The following PRKG1 variants were observed in gnomAD, a reference collection of about 807,000 sequenced individuals.
PRKG1 encodes cGMP-dependent protein kinase 1.
PRKG1 carries 35 observed loss-of-function variants against 88.1 expected under a neutral mutation model. The ratio of observed to expected loss-of-function variants is 0.40; its 90% CI spans 0.30 to 0.53. PRKG1 has a LOEUF of 0.53. Among genes scored for constraint, PRKG1 ranks in the 20% least tolerant of loss-of-function variants. The pLI is 0.59. For synonymous variants in PRKG1, 303 were observed against 292.5 expected, an observed-to-expected ratio of 1.04 and a Z score of -0.37; for missense variants, 540 against 839.8, an observed-to-expected ratio of 0.64 and a Z score of 4.41.
At chr10:51,125,510 C>T (rs1243438310) in intron 1 of PRKG1, among the ~76,000 whole-genome samples, 3 of 150,012 alleles carry the variant, frequency 2.0e-5, no homozygotes, top group Admixed American at 2.0e-4. Context: ...TAGTGAAACC[C>T]TGTCTCTACA....
At chr10:51,907,884 T>C (rs1589410607) in intron 5 of PRKG1, 1 of 223,610 alleles carries the variant, frequency 4.5e-6, no homozygotes, top group East Asian at 9.8e-5. Context: ...AGTAAAATTG[T>C]AGTTATCACC....
At chr10:51,800,551 C>G (rs1456931186) in intron 3 of PRKG1, among the ~76,000 whole-genome samples, 1 of 152,070 alleles carries the variant, frequency 6.6e-6, no homozygotes, top group East Asian at 1.9e-4. Context: ...TACTGCAGTA[C>G]AGTTTCTAGT....
chr10:51,864,964 A>G (rs1350977220), intron 4 of PRKG1, among the ~76,000 whole-genome samples: 1 of 152,114 alleles, frequency 6.6e-6, no homozygotes, highest in Non-Finnish European at 1.5e-5. Flanking sequence ...TGTGCTCTTG[A>G]TAATTGTCTT....
chr10:51,779,772 T>A (rs2132560330), intron 3 of PRKG1, among the ~76,000 whole-genome samples: 1 of 152,264 alleles, frequency 6.6e-6, no homozygotes, highest in East Asian at 1.9e-4. Flanking sequence ...TTCTGAATGT[T>A]TTTAAGGAGC....
Position 50,991,914 on chromosome 10 carries a change from G to C in PRKG1, c.266+270G>C, listed in dbSNP as rs562145797. Among the ~76,000 whole-genome samples the C allele has an allele frequency of 3.3e-5, 5 of 152,114 alleles. No individual in the cohort carries two copies. In the South Asian group the frequency reaches 1.0e-3, roughly 32 times the overall value. On this transcript the variant is annotated intron_variant, in intron 1 of 17. Transcript: ENST00000401604. The surrounding 1 kb of genome is among the most constrained non-coding windows in gnomAD (Gnocchi z 4.5). ...GCGTGGGGGTGGGGAGGAGGACCGC[G>C]GAAAGTTTACTCGCGCGGGCTAACT...
rs188095177 is a variant in PRKG1 at position 52,210,034 on chromosome 10, G to A, written c.1077-41536G>A. The stretch of plus-strand genomic sequence containing the variant: ...TCCATTTCCTCTTCTGTAAATGGAA[G>A]GAGCAATTATCCATGCTTCTGATTT... On this transcript the variant is annotated intron_variant, in intron 9 of 17. Coordinates refer to ENST00000373980, the MANE Select transcript of PRKG1 (RefSeq NM_006258.4). Among the ~76,000 whole-genome samples the A allele has an allele frequency of 2.3e-3, 346 of 152,222 alleles. 1 individual carries two copies. Among genetic ancestry groups the A allele is most frequent in the African/African-American group, 7.3e-3 (303 of 41,550 alleles).
chr10:51,179,585 T>G (rs995467781), intron 2 of PRKG1, among the ~76,000 whole-genome samples: 2 of 152,238 alleles, frequency 1.3e-5, no homozygotes, highest in African/African-American at 4.8e-5. Context: ...TTGATTTTAT[T>G]CAGCACGCTA....
chr10:51,497,398 C>G (rs890628283), intron 3 of PRKG1, among the ~76,000 whole-genome samples: 2 of 151,876 alleles, frequency 1.3e-5, no homozygotes, highest in Admixed American at 6.6e-5. Flanking sequence ...AAGGTCACAA[C>G]AGTGGAAAAA....
rs11419106 is a variant in PRKG1 at position 51,083,514 on chromosome 10, GT to G, written c.311+8627del. Among the ~76,000 whole-genome samples, 8 of 146,092 alleles carry G rather than the reference GT, an allele frequency of 5.5e-5. No homozygotes were observed. The East Asian group carries it at 6.0e-4, about 11-fold the overall frequency. On this transcript the variant is annotated intron_variant, in intron 1 of 17. Coordinates refer to ENST00000373980, the MANE Select transcript of PRKG1 (RefSeq NM_006258.4). ...TGTGATGTCTCTGCAGCCAGCTACA[GT>G]TTTTTTTTTTTTTCCTACAGATATT...
chr10:51,045,301 A>G (rs1374899632), intron 1 of PRKG1, among the ~76,000 whole-genome samples: 1 of 150,388 alleles, frequency 6.6e-6, no homozygotes, highest in Non-Finnish European at 1.5e-5. Flanking sequence ...ACTACCATAG[A>G]AAAAAATATT....
intron 2 of PRKG1, among the ~76,000 whole-genome samples, chr10:51,281,876 T>A (rs1840307883): frequency 6.6e-6 from 1 of 152,188 alleles, no homozygotes; most frequent in African/African-American, 2.4e-5. Flanking sequence ...TCTCTGCTCA[T>A]TAGAGTCACC....
At chr10:51,643,107 G>C (rs1589155307) in intron 3 of PRKG1, among the ~76,000 whole-genome samples, 1 of 144,784 alleles carries the variant, frequency 6.9e-6, no homozygotes, top group Non-Finnish European at 1.6e-5. Context: ...GTTACTATTT[G>C]TTCATGCTTG....
chr10:51,492,579 T>G (rs1840734307), intron 3 of PRKG1, among the ~76,000 whole-genome samples: 1 of 152,192 alleles, frequency 6.6e-6, no homozygotes, highest in Non-Finnish European at 1.5e-5. Context: ...TTTGTAATAC[T>G]AATTTAATTC....
intron 5 of PRKG1, among the ~76,000 whole-genome samples, chr10:51,997,929 G>T (rs1008104487): frequency 1.3e-5 from 2 of 151,272 alleles, no homozygotes; most frequent in African/African-American, 4.9e-5. Context: ...CCAATAAAAC[G>T]TTGAATAGAG....
intron 4 of PRKG1, among the ~76,000 whole-genome samples, chr10:51,890,045 A>G (rs1247845764): frequency 6.6e-6 from 1 of 152,160 alleles, no homozygotes; most frequent in Non-Finnish European, 1.5e-5. Context: ...TTTGCTGTGC[A>G]GAAGCTCTTT....
chr10:51,527,933 G>T (rs1841922915), intron 3 of PRKG1, among the ~76,000 whole-genome samples: 1 of 152,120 alleles, frequency 6.6e-6, no homozygotes, highest in African/African-American at 2.4e-5. Context: ...TCCTTCTCGG[G>T]TTGTGACTTG....
intron 2 of PRKG1, among the ~76,000 whole-genome samples, chr10:51,174,152 A>G (rs970241689): frequency 5.3e-5 from 8 of 151,938 alleles, no homozygotes; most frequent in African/African-American, 1.9e-4. Flanking sequence ...TTATTCCAAA[A>G]TGTTCACATA....
At chr10:52,007,129 T>G (rs1476183828) in intron 5 of PRKG1, among the ~76,000 whole-genome samples, 2 of 152,080 alleles carry the variant, frequency 1.3e-5, no homozygotes, top group Admixed American at 6.6e-5. Context: ...TGAAGGAAGC[T>G]CTATGGAAAG....
At chr10:51,605,845 G>T (rs981885891) in intron 3 of PRKG1, among the ~76,000 whole-genome samples, 1 of 152,146 alleles carries the variant, frequency 6.6e-6, no homozygotes, top group Non-Finnish European at 1.5e-5. Flanking sequence ...GGACCTGAGT[G>T]CAATGCAATG....
Sources: allele counts gnomAD v4.1 joint callset (sites outside exome capture counted in the v4.1 genomes callset), GRCh38; gene constraint gnomAD v4.1.1; non-coding constraint Gnocchi (gnomAD v3.1); transcripts MANE v1.5; gene names NCBI Gene and HGNC (gene_info 2026-07-23, HGNC 2026-07-21).